OXR1: variants seen among roughly 807,000 people sequenced by gnomAD.
OXR1 encodes the protein oxidation resistance 1.
In OXR1, 41 loss-of-function variants were observed where a neutral mutation model predicts 104.6. That is an observed-to-expected ratio of 0.39 (90% confidence interval 0.31 to 0.51). OXR1 has a LOEUF of 0.51. Among genes scored for constraint, OXR1 ranks in the 20% least tolerant of loss-of-function variants. OXR1 has a pLI of 0.77. For missense variants in OXR1, 955 were observed against 1,031.9 expected (o/e 0.93, Z 1.02); for synonymous variants, 348 against 348.4 (o/e 1.00, Z 0.01).
At chr8:106,661,531 G>T (rs956976300) in intron 3 of OXR1, among the ~76,000 whole-genome samples, 1 of 151,986 alleles carries the variant, frequency 6.6e-6, no homozygotes, top group Non-Finnish European at 1.5e-5. Flanking sequence ...TTGTTTGGGG[G>T]CATAACTATA....
At chr8:106,658,335 C>T (rs1057355537) in intron 3 of OXR1, 40 of 939,740 alleles carry the variant, frequency 4.3e-5, no homozygotes, top group Non-Finnish European at 5.4e-5. Context: ...GTGGCGGCCG[C>T]CGGGGGCGAG....
chr8:106,708,468 CA>C (rs1055491052), intron 9 of OXR1, among the ~76,000 whole-genome samples: 2 of 152,128 alleles, frequency 1.3e-5, no homozygotes, highest in Non-Finnish European at 2.9e-5. Context: ...TGGCAACCAA[CA>C]TTCTACTTTG....
chr8:106,662,098 C>T (rs1413628030), intron 3 of OXR1, among the ~76,000 whole-genome samples: 2 of 152,192 alleles, frequency 1.3e-5, no homozygotes, highest in Non-Finnish European at 2.9e-5. Context: ...TACTCCTATG[C>T]AGAAGTGCTG....
chr8:106,714,109 C>G (rs1831997589), intron 11 of OXR1, 124 bp downstream of exon 11: 1 of 650,148 alleles, frequency 1.5e-6, no homozygotes, highest in Admixed American at 3.8e-5. Flanking sequence ...GTCAGGTTCA[C>G]TATCCGTGTT....
At chr8:106,424,248 C>T (rs10108024) in intron 2 of OXR1, among the ~76,000 whole-genome samples, 76,748 of 151,996 alleles carry the variant, frequency 0.5, 21,955 homozygotes, top group East Asian at 0.78. Context: ...TGATTCTTTA[C>T]AGAAAAACTT....
chr8:106,682,726 TAACTC>T (rs1414617249), intron 4 of OXR1, among the ~76,000 whole-genome samples: 5 of 152,178 alleles, frequency 3.3e-5, no homozygotes, highest in East Asian at 3.8e-4. Context: ...CAGAACTAAA[TAACTC>T]AACTTTAGTT....
intron 3 of OXR1, among the ~76,000 whole-genome samples, chr8:106,660,873 C>T (rs1396430801): frequency 2.0e-5 from 3 of 151,962 alleles, no homozygotes; most frequent in East Asian, 3.9e-4. Context: ...ATTAGCTGGG[C>T]GTGGTGGTGC....
chr8:106,695,306 T>A (rs780334137), intron 7 of OXR1, among the ~76,000 whole-genome samples: 108 of 152,142 alleles, frequency 7.1e-4, no homozygotes, highest in Non-Finnish European at 1.1e-3. Flanking sequence ...ACTTCTAAAT[T>A]TCTTACAGTG....
intron 1 of OXR1, among the ~76,000 whole-genome samples, chr8:106,304,469 C>T (rs1325182505): frequency 6.6e-6 from 1 of 152,000 alleles, no homozygotes; most frequent in Non-Finnish European, 1.5e-5. Context: ...GGCTCTAAGC[C>T]AGAGCTGTCT....
At chr8:106,647,494 A>T (rs918088967) in intron 3 of OXR1, among the ~76,000 whole-genome samples, 1 of 152,148 alleles carries the variant, frequency 6.6e-6, no homozygotes, top group Non-Finnish European at 1.5e-5. Flanking sequence ...AAACACACAA[A>T]TGCTTTATAT....
At chr8:106,354,152 G>GT (rs1398919905) in intron 1 of OXR1, among the ~76,000 whole-genome samples, 1 of 151,350 alleles carries the variant, frequency 6.6e-6, no homozygotes, top group African/African-American at 2.4e-5. Flanking sequence ...TATGAGCATT[G>GT]TAAGTAAGCA....
chr8:106,710,638 A>G lies in OXR1; in HGVS notation c.1641A>G (p.Lys547=), dbSNP rs772445466. The change falls in exon 10 of 17, where the codon AAA becomes AAG. Residue 547 remains lysine, a synonymous_variant. Coordinates refer to ENST00000517566, the MANE Select transcript of OXR1 (RefSeq NM_001198533.2). ...CAATTCTAGGTTCTGCACTTTTAAAAGAAAAGCAAAGGCATCGATTACATA... is the reference window on the plus strand; with the variant it reads ...CAATTCTAGGTTCTGCACTTTTAAAGGAAAAGCAAAGGCATCGATTACATA... The part of the protein sequence containing the change: ...DGHIESSALL[K]EKQRHRLHKF... 6.3e-7 allele frequency: 1 copy of G among 1,588,038 alleles called. No individual in the cohort carries two copies. The highest frequency in any genetic ancestry group is 2.3e-5 in the East Asian group (1 of 43,976).
At chr8:106,733,068 C>CT (rs1051717458) in intron 11 of OXR1, among the ~76,000 whole-genome samples, 1 of 151,842 alleles carries the variant, frequency 6.6e-6, no homozygotes, top group African/African-American at 2.4e-5. Context: ...ATCTTTCTTT[C>CT]TTTTTTTGAG....
intron 2 of OXR1, among the ~76,000 whole-genome samples, chr8:106,515,704 C>T (rs181984343): frequency 9.9e-5 from 15 of 152,004 alleles, no homozygotes; most frequent in Non-Finnish European, 1.5e-4. Flanking sequence ...TTCTTAGGTG[C>T]GTATAGTACT....
At chr8:106,449,098 AAAC>A (rs1457572906) in intron 2 of OXR1, among the ~76,000 whole-genome samples, 1 of 152,108 alleles carries the variant, frequency 6.6e-6, no homozygotes, top group Non-Finnish European at 1.5e-5. Context: ...GGAAGCCAGA[AAAC>A]AACAATTATC....
chr8:106,478,056 T>C (rs1821901942), intron 2 of OXR1, among the ~76,000 whole-genome samples: 2 of 151,878 alleles, frequency 1.3e-5, no homozygotes. Context: ...TCCATATGAT[T>C]GATACAATAT....
intron 3 of OXR1, among the ~76,000 whole-genome samples, chr8:106,543,681 C>G (rs1484608086): frequency 1.3e-5 from 2 of 152,158 alleles, no homozygotes; most frequent in Non-Finnish European, 2.9e-5. Context: ...GGCTGAGGGT[C>G]AAGTTCAGAG....
At chr8:106,457,313 T>C (rs1481354341) in intron 2 of OXR1, among the ~76,000 whole-genome samples, 1 of 152,218 alleles carries the variant, frequency 6.6e-6, no homozygotes, top group Non-Finnish European at 1.5e-5. Context: ...TTCTACCTTC[T>C]GTCATGGGAT....
At chr8:106,526,678 G>A (rs1268837117) in intron 3 of OXR1, among the ~76,000 whole-genome samples, 1 of 152,156 alleles carries the variant, frequency 6.6e-6, no homozygotes, top group Admixed American at 6.5e-5. Context: ...GAGTAGCTGG[G>A]ACTACAGGCG....
Sources: gnomAD v4.1 joint callset for allele counts (sites outside exome capture counted in the v4.1 genomes callset) on GRCh38, gnomAD v4.1.1 for gene constraint, MANE v1.5 for transcripts, NCBI Gene and HGNC (gene_info 2026-07-23, HGNC 2026-07-21) for gene names.